Variants in XPNPEP1 observed in about 807,000 individuals in gnomAD.
The protein encoded by XPNPEP1 is X-prolyl aminopeptidase 1, also known as xaa-Pro aminopeptidase 1.
XPNPEP1 carries 39 observed loss-of-function variants against 92.4 expected under a neutral mutation model. The observed-to-expected ratio is 0.42, with a 90% CI of 0.33 to 0.55. The LOEUF is 0.55. Among genes scored for constraint, XPNPEP1 ranks in the 20% least tolerant of loss-of-function variants. XPNPEP1 has a pLI of 0.08. For missense variants in XPNPEP1, 654 were observed against 856.1 expected (o/e 0.76, Z 2.95); for synonymous variants, 307 against 299.4 (o/e 1.03, Z -0.26).
chr10:109,903,459 C>T (rs1849394316), intron 3 of XPNPEP1, among the ~76,000 whole-genome samples: 1 of 152,142 alleles, frequency 6.6e-6, no homozygotes, highest in African/African-American at 2.4e-5. Flanking sequence ...GCTCCAGTTG[C>T]GGGAACCACC....
rs577587210 is a variant in XPNPEP1 at position 109,909,186 on chromosome 10, G to A, written c.122-1371C>T. 6.6e-5 allele frequency among the ~76,000 whole-genome samples: 10 copies of A among 152,234 alleles called. No homozygotes were observed. In the East Asian group the frequency reaches 1.9e-3, roughly 29 times the overall value. ...CTCAGGAGGCTGAGGCAGGAGAATG[G>A]CGTGAACCCGGGAGGCAGAGCTTGC... On this transcript the variant is annotated intron_variant, in intron 2 of 20. Coordinates refer to ENST00000502935, the MANE Select transcript of XPNPEP1 (RefSeq NM_020383.4).
At chr10:109,909,756 T>C (rs1337708666) in intron 2 of XPNPEP1, among the ~76,000 whole-genome samples, 2 of 152,198 alleles carry the variant, frequency 1.3e-5, no homozygotes, top group African/African-American at 4.8e-5. Flanking sequence ...GAATTCAAAG[T>C]AGAATAATGA....
At chr10:109,880,020 C>T (rs1467088123) in intron 12 of XPNPEP1, among the ~76,000 whole-genome samples, 168 bp downstream of exon 12, 1 of 152,164 alleles carries the variant, frequency 6.6e-6, no homozygotes, top group African/African-American at 2.4e-5. Flanking sequence ...ATTTTGAAAT[C>T]TACACACACC....
chr10:109,910,688 G>A (rs1462659274), intron 2 of XPNPEP1, among the ~76,000 whole-genome samples: 3 of 152,148 alleles, frequency 2.0e-5, no homozygotes, highest in Non-Finnish European at 2.9e-5. Flanking sequence ...GGACATATTG[G>A]TTGTTTCCAG....
intron 2 of XPNPEP1, among the ~76,000 whole-genome samples, chr10:109,909,326 C>T (rs1044606705): frequency 3.3e-5 from 5 of 151,948 alleles, no homozygotes; most frequent in African/African-American, 4.8e-5. Flanking sequence ...GGTTTTCAAA[C>T]GAAGTCCCAA....
rs563267163 is a variant in XPNPEP1, at chr10:109,891,540, A to G, written c.415+182T>C. 1.1e-3 allele frequency: 515 copies of G among 456,578 alleles called. 2 individuals carry two copies. The highest frequency in any genetic ancestry group is 1.7e-3 in the Non-Finnish European group (448 of 261,140). The allele number at this position is 456,578 out of a possible 1,614,324, so 28.3% of individuals were successfully genotyped here. On this transcript the variant is annotated intron_variant, in intron 5 of 20. Transcript: ENST00000502935. ...AAGTATCCTGAACCAGCGTCCTCCA[A>G]AATTGAATGCACATTGGTACGTATG...
chr10:109,907,721 G>A lies in XPNPEP1; in HGVS notation c.216C>T (p.Ala72=), dbSNP rs534011041. The change falls in exon 3 of 21, where the codon GCC becomes GCT. Residue 72 remains alanine (A), a synonymous_variant. Transcript: ENST00000502935. ...GAGCATCTCCCGATGGGATGATGTA[G>A]GCCTGGATCGGTTCGGTCACATACT... ...NSEYVTEPIQ[A]YIIPSGDAHQ... 3 of 1,614,238 alleles carry A rather than the reference G, an allele frequency of 1.9e-6. No homozygotes were observed. The highest frequency in any genetic ancestry group is 1.1e-5 in the South Asian group (1 of 91,084).
At chr10:109,879,111 G>A (rs1345009254) in intron 12 of XPNPEP1, among the ~76,000 whole-genome samples, 5 of 151,508 alleles carry the variant, frequency 3.3e-5, no homozygotes, top group East Asian at 3.9e-4. Flanking sequence ...GCATGGTGGC[G>A]GGCGCCTGTA....
chr10:109,909,054 A>G (rs1849714240), intron 2 of XPNPEP1, among the ~76,000 whole-genome samples: 2 of 151,794 alleles, frequency 1.3e-5, no homozygotes, highest in Non-Finnish European at 2.9e-5. Flanking sequence ...GCGGACCACA[A>G]GGTCAGGAGA....
In XPNPEP1 at chr10:109,915,022, C is replaced by A. The variant is rs1266922380; in HGVS notation, c.110G>T (p.Gly37Val). The part of the protein sequence containing the change: ...PNEVTHSGDT[G>V]VETDGRMPPK... ...GACAAAATTATTACCTGTTTCCACA[C>A]CTGTGTCTCCTGAGTGTGTCACCTC... The change falls in exon 2 of 21, where the codon GGT becomes GTT. Residue 37 changes from glycine (G) to valine (V), a missense_variant. Physicochemically the swap from Gly to Val is moderately radical, Grantham distance 109. Coordinates refer to ENST00000502935, the MANE Select transcript of XPNPEP1 (RefSeq NM_020383.4). 1 of 1,527,754 alleles carries A rather than the reference C, an allele frequency of 6.5e-7. No individual in the cohort carries two copies. The highest frequency in any genetic ancestry group is 8.8e-7 in the Non-Finnish European group (1 of 1,141,584). 94.6% of individuals were successfully genotyped at this position (1,527,754 alleles called of 1,614,324 possible).
intron 12 of XPNPEP1, chr10:109,878,403 C>T (rs1017397872): frequency 3.8e-5 from 8 of 212,156 alleles, no homozygotes; most frequent in African/African-American, 6.9e-5. Flanking sequence ...AAGATAAATG[C>T]GGAGAGATTA....
intron 2 of XPNPEP1, among the ~76,000 whole-genome samples, chr10:109,912,758 G>A (rs969939622): frequency 6.6e-6 from 1 of 152,218 alleles, no homozygotes; most frequent in Non-Finnish European, 1.5e-5. Context: ...TAAATGCAAT[G>A]TGATAAATTG....
At chr10:109,898,940 T>G (rs912193276) in intron 3 of XPNPEP1, among the ~76,000 whole-genome samples, 1 of 152,144 alleles carries the variant, frequency 6.6e-6, no homozygotes, top group African/African-American at 2.4e-5. Context: ...TCTTTCCCCT[T>G]CCCTGACCCT....
At chr10:109,891,626 T>C in intron 5 of XPNPEP1, 96 bp downstream of exon 5, 1 of 1,015,640 alleles carries the variant, frequency 9.8e-7, no homozygotes, top group Non-Finnish European at 1.4e-6. Context: ...GGTCCATGAC[T>C]GCATAAAAGG....
intron 18 of XPNPEP1, among the ~76,000 whole-genome samples, chr10:109,870,391 G>T (rs1344662762): frequency 6.6e-6 from 1 of 152,040 alleles, no homozygotes; most frequent in African/African-American, 2.4e-5. Context: ...AATGTATCAA[G>T]TAAGAAAGCA....
Position 109,882,434 on chromosome 10 carries a change from T to G in XPNPEP1, c.1039A>C (p.Lys347Gln), listed in dbSNP as rs1343801029. The change falls in exon 10 of 21, where the codon AAG becomes CAG. Residue 347 changes from lysine to glutamine, a missense_variant and splice_region_variant. Lys to Gln is a moderately conservative substitution (Grantham distance 53, BLOSUM62 1). Transcript: ENST00000502935. The stretch of plus-strand genomic sequence containing the variant: ...TGGGCCAAAGTGGGGTCACCAACCT[T>G]GGGGATGGTCTCGCTCACAGCATAG... ...ASYAVSETIP[K>Q]DHRCCMPYTP... is the part of the protein sequence containing the mutation. 1.2e-6 allele frequency: 2 copies of G among 1,609,654 alleles called. No individual in the cohort carries two copies. Among genetic ancestry groups the G allele is most frequent in the East Asian group, 2.2e-5 (1 of 44,700 alleles).
At chr10:109,909,004 C>A (rs1237464633) in intron 2 of XPNPEP1, among the ~76,000 whole-genome samples, 1 of 150,772 alleles carries the variant, frequency 6.6e-6, no homozygotes, top group African/African-American at 2.4e-5. Flanking sequence ...GGTGCGGTGG[C>A]TCACACCTGT....
intron 2 of XPNPEP1, among the ~76,000 whole-genome samples, chr10:109,914,332 C>T (rs1850051369): frequency 6.6e-6 from 1 of 151,962 alleles, no homozygotes; most frequent in Non-Finnish European, 1.5e-5. Context: ...ATCTTATGAT[C>T]AAAATTGAAA....
chr10:109,878,860 G>A (rs912612689), intron 12 of XPNPEP1, among the ~76,000 whole-genome samples: 15 of 150,060 alleles, frequency 1.0e-4, no homozygotes, highest in African/African-American at 2.5e-4. Flanking sequence ...CTGTGCAACA[G>A]ATGAGACCCC....
Sources: allele counts gnomAD v4.1 joint callset (sites outside exome capture counted in the v4.1 genomes callset), GRCh38; gene constraint gnomAD v4.1.1; transcripts MANE v1.5; gene names NCBI Gene and HGNC (gene_info 2026-07-23, HGNC 2026-07-21).